The following LYN variants were observed in gnomAD, a reference collection of about 807,000 sequenced individuals.
LYN encodes the protein LYN proto-oncogene, Src family tyrosine kinase, also known as tyrosine-protein kinase Lyn.
Under a neutral mutation model 65.0 loss-of-function variants are expected in LYN, and 12 were observed. The ratio of observed to expected loss-of-function variants is 0.18; its 90% CI spans 0.12 to 0.30. The LOEUF is 0.30. Among genes scored for constraint, LYN ranks in the 10% least tolerant of loss-of-function variants. The pLI is 1.00. For synonymous variants in LYN, 222 were observed against 221.2 expected, an observed-to-expected ratio of 1.00 and a Z score of -0.03; for missense variants, 380 against 623.2, an observed-to-expected ratio of 0.61 and a Z score of 4.16.
intron 12 of LYN, among the ~76,000 whole-genome samples, chr8:56,008,858 ATGAT>A (rs965673025): frequency 5.3e-5 from 8 of 152,332 alleles, no homozygotes; most frequent in Non-Finnish European, 1.2e-4. Flanking sequence ...ACTTGAGACT[ATGAT>A]TGGGGTTCAG....
At chr8:56,004,073 C>T (rs1808607934) in intron 12 of LYN, among the ~76,000 whole-genome samples, 1 of 151,216 alleles carries the variant, frequency 6.6e-6, no homozygotes, top group Non-Finnish European at 1.5e-5. Flanking sequence ...GCTGGGATTA[C>T]AGGCATGTGC....
At chr8:56,005,310 T>G (rs1808641927) in intron 12 of LYN, among the ~76,000 whole-genome samples, 1 of 152,208 alleles carries the variant, frequency 6.6e-6, no homozygotes, top group African/African-American at 2.4e-5. Flanking sequence ...CTTCAGTCTT[T>G]CTTCTCACTC....
intron 1 of LYN, among the ~76,000 whole-genome samples, chr8:55,916,475 C>T (rs190536658): frequency 1.2e-4 from 18 of 152,278 alleles, no homozygotes; most frequent in Admixed American, 3.3e-4. Context: ...TGGAAGGGTG[C>T]GTGCGAATAT....
chr8:55,997,322 AC>A (rs1473757311), intron 10 of LYN, among the ~76,000 whole-genome samples: 3 of 152,128 alleles, frequency 2.0e-5, no homozygotes, highest in Non-Finnish European at 2.9e-5. Flanking sequence ...ACTTTCTCCA[AC>A]TCTATTTTCA....
chr8:55,928,280 G>T (rs561911649), intron 1 of LYN, among the ~76,000 whole-genome samples: 3 of 152,282 alleles, frequency 2.0e-5, no homozygotes, highest in Non-Finnish European at 2.9e-5. Flanking sequence ...GGAGTAGCTG[G>T]GACTATAGGC....
chr8:55,932,765 T>C (rs763682770), intron 1 of LYN, among the ~76,000 whole-genome samples: 6 of 152,172 alleles, frequency 3.9e-5, no homozygotes, highest in Non-Finnish European at 5.9e-5. Flanking sequence ...CGCATTTATA[T>C]ACCAGGGAAT....
In LYN at chr8:55,935,779, CAAA is replaced by C. The variant is rs59848254; in HGVS notation, c.-5-6059_-5-6057del. On this transcript the variant is annotated intron_variant, in intron 1 of 12. Transcript: ENST00000519728. ...CTGGGCAACAGAGGGAGACTCCATC[CAAA>C]AAAAAAAAAAAAAAAACAGGAATTT... 9.7e-3 allele frequency among the ~76,000 whole-genome samples: 908 copies of C among 93,866 alleles called. 19 individuals are homozygous for C. The highest frequency in any genetic ancestry group is 0.03 in the African/African-American group (840 of 27,570). 61.6% of individuals were successfully genotyped at this position (93,866 alleles called of 152,430 possible). A position where few individuals can be genotyped will look rare whatever the true frequency, so the allele number is the denominator to read the frequency against.
At position 55,880,024 on chromosome 8, in the gene LYN, TG is replaced by T; in HGVS notation, c.-82del. ...CAGCCTCCCCATACGCAGGTCCTGC[TG>T]GGCCGCCCCGTCGCGCCCCCCACTC... On this transcript the variant is annotated 5_prime_UTR_variant, in exon 1 of 13. Coordinates refer to ENST00000519728, the MANE Select transcript of LYN (RefSeq NM_002350.4). 1 of 314,900 alleles carries T rather than the reference TG, an allele frequency of 3.2e-6. No homozygotes were observed. 19.5% of individuals were successfully genotyped at this position (314,900 alleles called of 1,614,324 possible).
At chr8:56,000,455 G>A (rs192758378) in intron 12 of LYN, among the ~76,000 whole-genome samples, 9 of 152,126 alleles carry the variant, frequency 5.9e-5, no homozygotes, top group African/African-American at 2.2e-4. Context: ...TCGGCCAGGT[G>A]CAGTGGCTTA....
chr8:55,980,034 C>T (rs919213175), intron 10 of LYN, among the ~76,000 whole-genome samples: 1 of 152,240 alleles, frequency 6.6e-6, no homozygotes, highest in Non-Finnish European at 1.5e-5. Context: ...GCACAGGCAG[C>T]ATTCCACCTA....
At chr8:55,891,276 C>T (rs545683890) in intron 1 of LYN, among the ~76,000 whole-genome samples, 2 of 150,992 alleles carry the variant, frequency 1.3e-5, no homozygotes, top group East Asian at 2.0e-4. Flanking sequence ...CACTTGAACC[C>T]GGGAGGCAGA....
intron 1 of LYN, among the ~76,000 whole-genome samples, chr8:55,910,899 G>T (rs912369171): frequency 6.0e-4 from 74 of 123,402 alleles, no homozygotes; most frequent in Non-Finnish European, 1.0e-3. Context: ...TACTAATTTT[G>T]TTTTTTTTTT....
At chr8:55,957,488 T>TG (rs1807155444) in intron 8 of LYN, among the ~76,000 whole-genome samples, 1 of 152,214 alleles carries the variant, frequency 6.6e-6, no homozygotes, top group Non-Finnish European at 1.5e-5. Flanking sequence ...GCATATAAAG[T>TG]CATGGCTTGG....
intron 1 of LYN, among the ~76,000 whole-genome samples, chr8:55,908,255 A>G (rs1317235527): frequency 1.4e-5 from 2 of 143,954 alleles, no homozygotes; most frequent in African/African-American, 2.5e-5. Flanking sequence ...TTATTTATTT[A>G]TTTATTTGAG....
At chr8:55,966,947 G>C (rs1349363662) in intron 9 of LYN, 50 bp downstream of exon 9, 4 of 1,544,168 alleles carry the variant, frequency 2.6e-6, no homozygotes, top group Non-Finnish European at 3.5e-6. Context: ...AACTCAAAAA[G>C]TAAAATGTGT....
chr8:55,983,067 C>T (rs146104818), intron 10 of LYN, among the ~76,000 whole-genome samples: 2 of 152,280 alleles, frequency 1.3e-5, no homozygotes, highest in African/African-American at 4.8e-5. Flanking sequence ...ATTTTGCCCT[C>T]ATGTCCACAC....
chr8:55,959,514 T>C (rs542852686), intron 8 of LYN, among the ~76,000 whole-genome samples: 23 of 152,286 alleles, frequency 1.5e-4, no homozygotes, highest in Admixed American at 1.2e-3. Flanking sequence ...AGTAAGAAAA[T>C]ATGTCACATT....
rs373739362 is a variant in LYN at position 55,942,069 on chromosome 8, T to C, written c.132+78T>C. On this transcript the variant is annotated intron_variant, in intron 2 of 12. Coordinates refer to ENST00000519728, the MANE Select transcript of LYN (RefSeq NM_002350.4). ...ACATAATTTAAACACCAGTCTGTAA[T>C]ATGTGCATGCAAAAAAATTCCATTG... 6.1e-4 allele frequency: 899 copies of C among 1,464,752 alleles called. 11 individuals are homozygous for C. The South Asian group carries it at 0.01, about 17-fold the overall frequency. 90.7% of individuals were successfully genotyped at this position (1,464,752 alleles called of 1,614,324 possible). A position where few individuals can be genotyped will look rare whatever the true frequency, so the allele number is the denominator to read the frequency against.
chr8:55,909,541 T>G (rs941057939), intron 1 of LYN, among the ~76,000 whole-genome samples: 1 of 152,270 alleles, frequency 6.6e-6, no homozygotes, highest in Non-Finnish European at 1.5e-5. Context: ...TTTGCTATTC[T>G]GAATAGTGCT....
Sources: gnomAD v4.1 joint callset for allele counts (sites outside exome capture counted in the v4.1 genomes callset) on GRCh38, gnomAD v4.1.1 for gene constraint, MANE v1.5 for transcripts, NCBI Gene and HGNC (gene_info 2026-07-23, HGNC 2026-07-21) for gene names.